The following ADAMTS3 variants were observed in gnomAD, a reference collection of about 807,000 sequenced individuals.
ADAMTS3 encodes A disintegrin and metalloproteinase with thrombospondin motifs 3.
Under a neutral mutation model 129.0 loss-of-function variants are expected in ADAMTS3, and 73 were observed. The ratio of observed to expected loss-of-function variants is 0.57; its 90% CI spans 0.47 to 0.69. The LOEUF is 0.69. ADAMTS3 is among the 30% of genes least tolerant of loss of function. ADAMTS3 has a pLI of 0.00. For missense variants in ADAMTS3, 1,457 were observed against 1,514.5 expected, an observed-to-expected ratio of 0.96 and a Z score of 0.63; for synonymous variants, 477 against 510.8, an observed-to-expected ratio of 0.93 and a Z score of 0.89.
chr4:72,556,518 G>A (rs190085949), intron 2 of ADAMTS3, among the ~76,000 whole-genome samples: 53 of 151,762 alleles, frequency 3.5e-4, no homozygotes, highest in African/African-American at 9.7e-4. Flanking sequence ...ATTTTTAAGG[G>A]TCTAATCAAT....
chr4:72,535,220 C>T (rs1465739822), intron 3 of ADAMTS3, among the ~76,000 whole-genome samples: 1 of 152,164 alleles, frequency 6.6e-6, no homozygotes, highest in Non-Finnish European at 1.5e-5. Context: ...AAATATCCTG[C>T]AAGCCCAAAG....
At chr4:72,440,347 C>A (rs1054898495) in intron 3 of ADAMTS3, among the ~76,000 whole-genome samples, 2 of 151,802 alleles carry the variant, frequency 1.3e-5, no homozygotes, top group Non-Finnish European at 2.9e-5. Context: ...CACATCCACA[C>A]ATGAATATCC....
At chr4:72,499,616 C>T (rs1719957370) in intron 3 of ADAMTS3, among the ~76,000 whole-genome samples, 1 of 152,068 alleles carries the variant, frequency 6.6e-6, no homozygotes, top group African/African-American at 2.4e-5. Flanking sequence ...TAAATTTTTC[C>T]ATTTTTGATA....
At chr4:72,430,071 C>A (rs1722660493) in intron 3 of ADAMTS3, among the ~76,000 whole-genome samples, 1 of 152,000 alleles carries the variant, frequency 6.6e-6, no homozygotes, top group South Asian at 2.1e-4. Flanking sequence ...AAGAAAATCC[C>A]ATGAATCAAA....
At chr4:72,429,515 C>T (rs1335597229) in intron 3 of ADAMTS3, among the ~76,000 whole-genome samples, 2 of 151,962 alleles carry the variant, frequency 1.3e-5, no homozygotes, top group African/African-American at 4.8e-5. Flanking sequence ...ACTTTTTGAT[C>T]TTAGACATTA....
intron 3 of ADAMTS3, among the ~76,000 whole-genome samples, chr4:72,539,014 A>G (rs1721250264): frequency 6.6e-6 from 1 of 152,160 alleles, no homozygotes; most frequent in Non-Finnish European, 1.5e-5. Context: ...AAAAATTAAT[A>G]CAAAATGGAT....
chr4:72,451,795 C>T (rs1411862781), intron 3 of ADAMTS3, among the ~76,000 whole-genome samples: 1 of 151,730 alleles, frequency 6.6e-6, no homozygotes, highest in Non-Finnish European at 1.5e-5. Context: ...AATTGTTAAA[C>T]AATAGCTTTA....
At chr4:72,481,578 TA>T (rs1205028023) in intron 3 of ADAMTS3, among the ~76,000 whole-genome samples, 1 of 152,128 alleles carries the variant, frequency 6.6e-6, no homozygotes, top group Non-Finnish European at 1.5e-5. Context: ...ATGTAAGTCA[TA>T]AAATCATAAG....
chr4:72,448,634 T>C (rs1172639303), intron 3 of ADAMTS3, among the ~76,000 whole-genome samples: 1 of 151,682 alleles, frequency 6.6e-6, no homozygotes, highest in Non-Finnish European at 1.5e-5. Flanking sequence ...AAAGAAACTG[T>C]TCTAAACTTT....
At chr4:72,456,866 C>T (rs1560523073) in intron 3 of ADAMTS3, among the ~76,000 whole-genome samples, 1 of 151,578 alleles carries the variant, frequency 6.6e-6, no homozygotes, top group South Asian at 2.1e-4. Flanking sequence ...CAAGCCAACA[C>T]AGGGAGGGAC....
At chr4:72,528,309 T>C (rs543779338) in intron 3 of ADAMTS3, among the ~76,000 whole-genome samples, 228 of 152,026 alleles carry the variant, frequency 1.5e-3, no homozygotes, top group African/African-American at 5.3e-3. Flanking sequence ...TACTATTAGG[T>C]TGAACTCAAG....
chr4:72,395,717 T>A (rs1359734201), intron 4 of ADAMTS3, among the ~76,000 whole-genome samples: 1 of 152,192 alleles, frequency 6.6e-6, no homozygotes, highest in African/African-American at 2.4e-5. Context: ...ATCTCTATAG[T>A]TCTCTTTATT....
intron 3 of ADAMTS3, among the ~76,000 whole-genome samples, chr4:72,451,485 A>T (rs1718404434): frequency 6.6e-6 from 1 of 151,832 alleles, no homozygotes; most frequent in Non-Finnish European, 1.5e-5. Flanking sequence ...GCATGGAAGC[A>T]CTAGTGGAAA....
intron 3 of ADAMTS3, among the ~76,000 whole-genome samples, chr4:72,416,172 A>AATATAAATATATATACACATATATGT (rs1553913385): frequency 6.8e-6 from 1 of 146,084 alleles, no homozygotes; most frequent in African/African-American, 2.5e-5. Context: ...AGCAAATATA[A>AATATAAATATATATACACATATATGT]ATATAAATAT....
At chr4:72,375,875 T>A (rs1721121884) in intron 4 of ADAMTS3, among the ~76,000 whole-genome samples, 1 of 151,824 alleles carries the variant, frequency 6.6e-6, no homozygotes, top group Non-Finnish European at 1.5e-5. Flanking sequence ...AAAAAGAAAC[T>A]GAAAAGTACC....
chr4:72,563,413 G>A (rs1386320282), intron 2 of ADAMTS3, among the ~76,000 whole-genome samples: 1 of 152,080 alleles, frequency 6.6e-6, no homozygotes, highest in African/African-American at 2.4e-5. Context: ...TACTGCTGCT[G>A]GCAAATTGGA....
At chr4:72,365,024 T>C (rs1477082516) in intron 4 of ADAMTS3, among the ~76,000 whole-genome samples, 1 of 152,266 alleles carries the variant, frequency 6.6e-6, no homozygotes, top group African/African-American at 2.4e-5. Flanking sequence ...GTTTCATTCC[T>C]GTTTGCATCT....
intron 12 of ADAMTS3, among the ~76,000 whole-genome samples, chr4:72,313,022 T>C (rs201469653): frequency 9.9e-5 from 15 of 152,264 alleles, no homozygotes; most frequent in East Asian, 5.8e-4. Context: ...GGCAGGTATG[T>C]GGCATCAGAT....
intron 3 of ADAMTS3, among the ~76,000 whole-genome samples, chr4:72,479,975 C>T (rs1254702930): frequency 6.6e-6 from 1 of 152,048 alleles, no homozygotes; most frequent in Non-Finnish European, 1.5e-5. Context: ...CAGAGAAATG[C>T]AAATCAAAAC....
Sources: gnomAD v4.1 joint callset for allele counts (sites outside exome capture counted in the v4.1 genomes callset) on GRCh38, gnomAD v4.1.1 for gene constraint, MANE v1.5 for transcripts, NCBI Gene and HGNC (gene_info 2026-07-23, HGNC 2026-07-21) for gene names.